The following HLA-DQA1 variants were observed in gnomAD, a reference collection of about 807,000 sequenced individuals.
HLA-DQA1 encodes the protein HLA class II histocompatibility antigen, DQ alpha 1 chain.
Under a neutral mutation model 20.7 loss-of-function variants are expected in HLA-DQA1, and 10 were observed. That is an observed-to-expected ratio of 0.48 (90% CI 0.30 to 0.82). The LOEUF (loss-of-function observed/expected upper bound fraction) is 0.82, where lower values mean the gene tolerates loss of function less well. Ranked by LOEUF, HLA-DQA1 falls within the 40% of genes least tolerant of loss-of-function variation. The probability of loss-of-function intolerance (pLI) is 0.07; values close to 1 mark genes in which losing one functional copy is unlikely to be tolerated. For missense variants in HLA-DQA1, 127 were observed against 293.0 expected (o/e 0.43, Z 4.14); for synonymous variants, 39 against 109.2 (o/e 0.36, Z 4.01).
At chr6:32,644,184 C>A (rs986159583), downstream of HLA-DQA1, 1 of 148,822 alleles carries the variant, frequency 6.7e-6, no homozygotes, top group African/African-American at 2.5e-5. Flanking sequence ...CTGGATTCGC[C>A]ATCTCCGAGG....
chr6:32,640,812 T>TAA (rs34713112), intron 1 of HLA-DQA1, among the ~76,000 whole-genome samples: 1,633 of 93,546 alleles, frequency 0.017, 247 homozygotes, highest in East Asian at 0.073. Context: ...GCTTTTCCTT[T>TAA]AAAAAAAAAA....
downstream of HLA-DQA1, among the ~76,000 whole-genome samples, chr6:32,651,364 C>T (rs1475193999): frequency 1.2e-5 from 1 of 82,912 alleles, no homozygotes; most frequent in Non-Finnish European, 2.6e-5. Flanking sequence ...GCGGGCAGAT[C>T]ATTAGGTCAG....
rs1048173 is a variant in HLA-DQA1 at position 32,642,078 on chromosome 6, A to G, written c.438A>G (p.Thr146=). The change falls in exon 3 of 5, where the codon ACA becomes ACG. Residue 146 remains threonine, a synonymous_variant. Coordinates refer to ENST00000343139, the MANE Select transcript of HLA-DQA1 (RefSeq NM_002122.5). ...DNIFPPVVNI[T]WLSNGQSVTE... is the part of the protein sequence containing the mutation. ...TCTTTCCTCCTGTGGTCAACATCACATGGCTGAGCAATGGGCAGTCAGTCA... is the reference window on the plus strand; with the variant it reads ...TCTTTCCTCCTGTGGTCAACATCACGTGGCTGAGCAATGGGCAGTCAGTCA... 5.2e-6 allele frequency: 6 copies of G among 1,151,780 alleles called. 1 individual carries two copies. In the Admixed American group the frequency reaches 8.9e-5, roughly 17 times the overall value. The allele number at this position is 1,151,780 out of a possible 1,614,324, so 71.3% of individuals were successfully genotyped here.
At chr6:32,642,368 TGTC>T (rs769321162) in intron 3 of HLA-DQA1, 115 bp downstream of exon 3, 3 of 618,958 alleles carry the variant, frequency 4.8e-6, no homozygotes, top group Non-Finnish European at 7.4e-6. Flanking sequence ...GTTTCTTTTC[TGTC>T]TCTCTTTTTT....
chr6:32,652,675 G>A, the HLA-DQA1 span, among the ~76,000 whole-genome samples: 27 of 142,936 alleles, frequency 1.9e-4, no homozygotes, highest in Admixed American at 7.3e-4. Flanking sequence ...AAAAAAGGGT[G>A]CATGTACCTC....
downstream of HLA-DQA1, chr6:32,646,147 C>G: frequency 1.9e-5 from 1 of 51,632 alleles, no homozygotes; most frequent in African/African-American, 6.4e-5. Context: ...AATAGGGTTA[C>G]AGATCTACCT....
At chr6:32,644,159 G>A (rs1781716815), downstream of HLA-DQA1, 1 of 152,100 alleles carries the variant, frequency 6.6e-6, no homozygotes, top group Non-Finnish European at 1.5e-5. Context: ...GCAGCAGTGG[G>A]TGCTGTGTCC....
rs115240119 is a variant in HLA-DQA1, at chr6:32,638,168, C to T, written c.82+628C>T. 9.1e-3 allele frequency among the ~76,000 whole-genome samples: 1,018 copies of T among 111,578 alleles called. 6 individuals carry two copies. Among genetic ancestry groups the T allele is most frequent in the East Asian group, 0.017 (64 of 3,698 alleles). 73.2% of individuals were successfully genotyped at this position (111,578 alleles called of 152,430 possible). On this transcript the variant is annotated intron_variant, in intron 1 of 4. Coordinates refer to ENST00000343139, the MANE Select transcript of HLA-DQA1 (RefSeq NM_002122.5). ...GTAATCAAATAAAATGGGCATGTGG[C>T]TAAGCTTTGTAAATAGTGAAAACAT...
chr6:32,643,615 CAG>C lies in HLA-DQA1; in HGVS notation c.*688_*689del, dbSNP rs1781662355. The C allele has an allele frequency of 7.3e-6, 1 of 137,778 alleles. No individual in the cohort carries two copies. The allele number at this position is 137,778 out of a possible 1,614,324, so 8.5% of individuals were successfully genotyped here. A position where few individuals can be genotyped will look rare whatever the true frequency, so the allele number is the denominator to read the frequency against. On this transcript the variant is annotated 3_prime_UTR_variant, in exon 5 of 5. Coordinates refer to ENST00000343139, the MANE Select transcript of HLA-DQA1 (RefSeq NM_002122.5). ...TTCAATGTGGCTTTTAAAAGTATGACAGAGAAATAAGTTAGGATAAAGGAAAT... is the reference window on the plus strand; with the variant it reads ...TTCAATGTGGCTTTTAAAAGTATGACAGAAATAAGTTAGGATAAAGGAAAT...
downstream of HLA-DQA1, among the ~76,000 whole-genome samples, chr6:32,650,978 C>G (rs1179409136): frequency 1.2e-5 from 1 of 83,240 alleles, no homozygotes; most frequent in Non-Finnish European, 2.6e-5. Context: ...ACTGCAAGCT[C>G]CCTGGGTTCA....
chr6:32,644,073 AC>A (rs368229589), downstream of HLA-DQA1: 44,239 of 149,932 alleles, frequency 0.3, 6,778 homozygotes, highest in Middle Eastern at 0.47. Context: ...CTTTCCCCTA[AC>A]CCCTCCTGAC....
In HLA-DQA1 at chr6:32,642,860, G is replaced by A. The variant is rs1581997625; in HGVS notation, c.*20+76G>A. 4 of 855,110 alleles carry A rather than the reference G, an allele frequency of 4.7e-6. 1 individual carries two copies. Among genetic ancestry groups the A allele is most frequent in the Admixed American group, 2.9e-5 (1 of 34,062 alleles). 53.0% of individuals were successfully genotyped at this position (855,110 alleles called of 1,614,324 possible). On this transcript the variant is annotated intron_variant, in intron 4 of 4. Transcript: ENST00000343139. The stretch of plus-strand genomic sequence containing the variant: ...GTGGGAGGGCGTTGTGGACATGAAT[G>A]TGGTTGAAAGTTGTAGGGGAATTGG...
chr6:32,638,883 T>C (rs1183421850), intron 1 of HLA-DQA1: 4 of 312,388 alleles, frequency 1.3e-5, no homozygotes, highest in Non-Finnish European at 1.9e-5. Flanking sequence ...CCTCTCTTCA[T>C]GCATCCCTTT....
chr6:32,646,485 A>G (rs1055054721), downstream of HLA-DQA1: 1 of 79,410 alleles, frequency 1.3e-5, no homozygotes. Flanking sequence ...TGAGCCCAGG[A>G]GTTCAATACT....
At chr6:32,655,134 A>G in the HLA-DQA1 span, among the ~76,000 whole-genome samples, 1 of 98,634 alleles carries the variant, frequency 1.0e-5, no homozygotes, top group Non-Finnish European at 2.3e-5. Context: ...GTTTAATCAC[A>G]TGTATCAAAA....
chr6:32,643,268 T>C lies in HLA-DQA1; in HGVS notation c.*337T>C, dbSNP rs1189497536. 2 of 315,826 alleles carry C rather than the reference T, an allele frequency of 6.3e-6. No homozygotes were observed. The highest frequency in any genetic ancestry group is 4.8e-5 in the Admixed American group (1 of 21,026). 19.6% of individuals were successfully genotyped at this position (315,826 alleles called of 1,614,324 possible). Reference sequence around the variant, plus strand: ...ATAAATTCCTTTTATGAGATCTATGTCAAATTTTTCCATCTTTCATCCAGG... The same window carrying C: ...ATAAATTCCTTTTATGAGATCTATGCCAAATTTTTCCATCTTTCATCCAGG... On this transcript the variant is annotated 3_prime_UTR_variant, in exon 5 of 5. Coordinates refer to ENST00000343139, the MANE Select transcript of HLA-DQA1 (RefSeq NM_002122.5).
Position 32,643,425 on chromosome 6 carries a change from A to C in HLA-DQA1, c.*494A>C. 1 of 230,316 alleles carries C rather than the reference A, an allele frequency of 4.3e-6. No individual in the cohort carries two copies. The highest frequency in any genetic ancestry group is 8.8e-6 in the Non-Finnish European group (1 of 113,304). The allele number at this position is 230,316 out of a possible 1,614,324, so 14.3% of individuals were successfully genotyped here. A position where few individuals can be genotyped will look rare whatever the true frequency, so the allele number is the denominator to read the frequency against. ...TACAGTATAGCCTGATAATATGTTG[A>C]TTTCTTAGCTGACATTAATATTTCT... On this transcript the variant is annotated 3_prime_UTR_variant, in exon 5 of 5. Coordinates refer to ENST00000343139, the MANE Select transcript of HLA-DQA1 (RefSeq NM_002122.5).
chr6:32,643,259 A>C lies in HLA-DQA1; in HGVS notation c.*328A>C. The stretch of plus-strand genomic sequence containing the variant: ...AAGGAAGCAATAAATTCCTTTTATG[A>C]GATCTATGTCAAATTTTTCCATCTT... On this transcript the variant is annotated 3_prime_UTR_variant, in exon 5 of 5. Transcript: ENST00000343139. The C allele has an allele frequency of 6.3e-6, 2 of 319,406 alleles. 1 individual carries two copies. Among genetic ancestry groups the C allele is most frequent in the South Asian group, 4.7e-5 (2 of 42,876 alleles). 19.8% of individuals were successfully genotyped at this position (319,406 alleles called of 1,614,324 possible). A position where few individuals can be genotyped will look rare whatever the true frequency, so the allele number is the denominator to read the frequency against.
downstream of HLA-DQA1, among the ~76,000 whole-genome samples, chr6:32,649,437 T>A (rs1295890628): frequency 1.0e-5 from 1 of 96,762 alleles, no homozygotes; most frequent in African/African-American, 3.6e-5. Flanking sequence ...CTTCAAACTA[T>A]ACTACAAGGC....
Sources: allele counts gnomAD v4.1 joint callset (sites outside exome capture counted in the v4.1 genomes callset), GRCh38; gene constraint gnomAD v4.1.1; transcripts MANE v1.5; gene names NCBI Gene and HGNC (gene_info 2026-07-23, HGNC 2026-07-21).